Variants in GPHN observed in about 807,000 individuals in gnomAD.
The protein encoded by GPHN is gephyrin.
Under a neutral mutation model 95.5 loss-of-function variants are expected in GPHN, and 17 were observed. The observed-to-expected ratio is 0.18, with a 90% CI of 0.12 to 0.27. The LOEUF (loss-of-function observed/expected upper bound fraction) is 0.27. Ranked by LOEUF, GPHN falls within the 10% of genes least tolerant of loss-of-function variation. The pLI, the probability that GPHN is intolerant of heterozygous loss-of-function variation, is 1.00. For missense variants in GPHN, 660 were observed against 978.1 expected, an observed-to-expected ratio of 0.67 and a Z score of 4.34; for synonymous variants, 320 against 322.5, an observed-to-expected ratio of 0.99 and a Z score of 0.08.
chr14:67,383,356 G>T, the GPHN span: 1 of 1,613,728 alleles, frequency 6.2e-7, no homozygotes, highest in African/African-American at 1.3e-5. Flanking sequence ...AACTTGCGAG[G>T]CAGATGGAGA....
the GPHN span, among the ~76,000 whole-genome samples, chr14:67,367,618 C>G: frequency 7.3e-6 from 1 of 137,898 alleles, no homozygotes; most frequent in Admixed American, 7.3e-5. Flanking sequence ...GGGCACGTTG[C>G]GTGAACTCAC....
the GPHN span, chr14:67,571,571 C>T: frequency 3.5e-6 from 2 of 568,404 alleles, no homozygotes; most frequent in Non-Finnish European, 6.3e-6. Flanking sequence ...GCCTGAGAAG[C>T]ATGGAGGTCA....
chr14:67,276,941 TAAA>T, the GPHN span, among the ~76,000 whole-genome samples: 3 of 152,206 alleles, frequency 2.0e-5, no homozygotes, highest in Non-Finnish European at 4.4e-5. Flanking sequence ...TTATATTAGT[TAAA>T]AACACATCAT....
chr14:67,069,449 C>A (rs958693585), intron 11 of GPHN, among the ~76,000 whole-genome samples: 1 of 152,166 alleles, frequency 6.6e-6, no homozygotes, highest in African/African-American at 2.4e-5. Flanking sequence ...TATGCTCAGG[C>A]AGCTAACTAG....
the GPHN span, among the ~76,000 whole-genome samples, chr14:67,403,842 A>G: frequency 6.6e-6 from 1 of 152,222 alleles, no homozygotes. Flanking sequence ...TCCTGAGCCC[A>G]GGAGTTCAAG....
chr14:66,837,994 C>T (rs1006687690), intron 4 of GPHN, among the ~76,000 whole-genome samples: 3 of 151,958 alleles, frequency 2.0e-5, no homozygotes, highest in African/African-American at 2.4e-5. Flanking sequence ...TAGTGTTGCC[C>T]ATATAACCTT....
chr14:67,468,899 A>G, the GPHN span, among the ~76,000 whole-genome samples: 1 of 151,766 alleles, frequency 6.6e-6, no homozygotes, highest in South Asian at 2.1e-4. Flanking sequence ...TGTCTCAAAA[A>G]TAATAATAAT....
chr14:67,216,595 T>C, the GPHN span, among the ~76,000 whole-genome samples: 3,605 of 152,206 alleles, frequency 0.024, 158 homozygotes, highest in African/African-American at 0.083. Context: ...TTTCGTATAT[T>C]GTATTTCTAT....
chr14:67,582,601 C>G, the GPHN span, among the ~76,000 whole-genome samples: 1 of 152,122 alleles, frequency 6.6e-6, no homozygotes, highest in South Asian at 2.1e-4. This position sits in a 1 kb window ranked among gnomAD's most constrained non-coding sequence, Gnocchi z 5.0. Flanking sequence ...GGCAGATCAC[C>G]TGAGGCCAGG....
At chr14:66,886,221 C>A (rs1382032584) in intron 5 of GPHN, among the ~76,000 whole-genome samples, 1 of 152,136 alleles carries the variant, frequency 6.6e-6, no homozygotes. Context: ...ATGGGACTGT[C>A]CATAATCAGG....
At chr14:67,674,332 C>A in the GPHN span, 1 of 1,507,902 alleles carries the variant, frequency 6.6e-7, no homozygotes, top group African/African-American at 1.4e-5. Context: ...TTCCAAAGCG[C>A]GCAGGGCTGC....
chr14:67,458,123 T>C, the GPHN span, among the ~76,000 whole-genome samples: 1 of 152,206 alleles, frequency 6.6e-6, no homozygotes, highest in South Asian at 2.1e-4. Flanking sequence ...CTGAGCCTTT[T>C]CCTCGCTCAC....
At chr14:67,084,201 C>T (rs2076800422) in intron 11 of GPHN, among the ~76,000 whole-genome samples, 1 of 152,196 alleles carries the variant, frequency 6.6e-6, no homozygotes, top group Non-Finnish European at 1.5e-5. Context: ...GTCCTTCCAA[C>T]CAATTCTCTG....
chr14:66,713,698 G>C (rs1566856889), intron 2 of GPHN, among the ~76,000 whole-genome samples: 1 of 151,012 alleles, frequency 6.6e-6, no homozygotes, highest in Non-Finnish European at 1.5e-5. Context: ...AATGGGGATT[G>C]GGTTGAATTT....
At chr14:66,624,429 G>T (rs541257757) in intron 1 of GPHN, among the ~76,000 whole-genome samples, 57 of 152,270 alleles carry the variant, frequency 3.7e-4, no homozygotes, top group Non-Finnish European at 5.9e-4. Flanking sequence ...TAAAGCCCTT[G>T]GGCTGATTTC....
chr14:66,790,226 C>T (rs528038264), intron 3 of GPHN, among the ~76,000 whole-genome samples: 76 of 152,136 alleles, frequency 5.0e-4, no homozygotes, highest in Non-Finnish European at 9.7e-4. Flanking sequence ...TTGAACTTTA[C>T]TAAATGTAAC....
chr14:67,658,580 G>C, the GPHN span, among the ~76,000 whole-genome samples: 1 of 152,134 alleles, frequency 6.6e-6, no homozygotes, highest in African/African-American at 2.4e-5. Flanking sequence ...CTGGGTGACA[G>C]AGCGAGACTC....
At chr14:67,726,444 A>C in the GPHN span, among the ~76,000 whole-genome samples, 394 of 152,318 alleles carry the variant, frequency 2.6e-3, 2 homozygotes, top group Non-Finnish European at 4.6e-3. Flanking sequence ...GCAGGGCCAG[A>C]CCTGGGGTTA....
At chr14:66,591,246 A>G (rs2061631643) in intron 1 of GPHN, among the ~76,000 whole-genome samples, 2 of 152,220 alleles carry the variant, frequency 1.3e-5, no homozygotes, top group Admixed American at 6.5e-5. Context: ...AAACTGGCAC[A>G]AGGCAAGGAT....
Sources: gnomAD v4.1 joint callset for allele counts (sites outside exome capture counted in the v4.1 genomes callset) on GRCh38, gnomAD v4.1.1 for gene constraint, Gnocchi (gnomAD v3.1) non-coding constraint, MANE v1.5 for transcripts, NCBI Gene and HGNC (gene_info 2026-07-23, HGNC 2026-07-21) for gene names.